Variants in HS6ST3 observed in about 807,000 individuals in gnomAD.
HS6ST3 encodes the protein heparan sulfate 6-O-sulfotransferase 3, also known as heparan-sulfate 6-O-sulfotransferase 3.
HS6ST3 carries 12 observed loss-of-function variants against 36.7 expected under a neutral mutation model. The ratio of observed to expected loss-of-function variants is 0.33; its 90% CI spans 0.21 to 0.53. The LOEUF (loss-of-function observed/expected upper bound fraction) is 0.53, where lower values mean the gene tolerates loss of function less well. Among genes scored for constraint, HS6ST3 ranks in the 20% least tolerant of loss-of-function variants. The pLI is 0.95. For missense variants in HS6ST3, 584 were observed against 640.9 expected, an observed-to-expected ratio of 0.91 and a Z score of 0.96; for synonymous variants, 240 against 257.5, an observed-to-expected ratio of 0.93 and a Z score of 0.65.
intron 1 of HS6ST3, among the ~76,000 whole-genome samples, chr13:96,767,130 A>G (rs938704182): frequency 1.3e-5 from 2 of 152,192 alleles, no homozygotes; most frequent in Non-Finnish European, 1.5e-5. Flanking sequence ...CTCCACATCA[A>G]AATCCTATCC....
chr13:96,307,317 A>G (rs558784267), intron 1 of HS6ST3, among the ~76,000 whole-genome samples: 7 of 152,200 alleles, frequency 4.6e-5, no homozygotes, highest in African/African-American at 1.7e-4. Context: ...ACAGAGAGCA[A>G]TAGCCACGCA....
chr13:96,284,910 G>GCTTTCTTTCTTTCTTTCTTTCTTTCTTT (rs71740033), intron 1 of HS6ST3, among the ~76,000 whole-genome samples: 1 of 134,564 alleles, frequency 7.4e-6, no homozygotes, highest in Non-Finnish European at 1.6e-5. Flanking sequence ...ATGCATATTT[G>GCTTTCTTTCTTTCTTTCTTTCTTTCTTT]CTTTCTTTCT....
At chr13:96,324,119 G>T (rs1206922300) in intron 1 of HS6ST3, among the ~76,000 whole-genome samples, 1 of 152,124 alleles carries the variant, frequency 6.6e-6, no homozygotes, top group Non-Finnish European at 1.5e-5. Flanking sequence ...GTAGTAAGCT[G>T]GACTCAGAGA....
intron 1 of HS6ST3, among the ~76,000 whole-genome samples, chr13:96,350,252 A>C (rs1331939598): frequency 6.6e-6 from 1 of 152,238 alleles, no homozygotes; most frequent in Admixed American, 6.5e-5. Context: ...ACAGATGTTA[A>C]GACTTGAAAG....
intron 1 of HS6ST3, among the ~76,000 whole-genome samples, chr13:96,219,095 A>G (rs1041178666): frequency 6.6e-6 from 1 of 152,050 alleles, no homozygotes; most frequent in African/African-American, 2.4e-5. Context: ...GTCGGCCTAA[A>G]TTAAGACCCT....
intron 1 of HS6ST3, among the ~76,000 whole-genome samples, chr13:96,358,716 A>T (rs898164012): frequency 6.6e-6 from 1 of 152,198 alleles, no homozygotes; most frequent in Non-Finnish European, 1.5e-5. Context: ...TAAATTGTAT[A>T]TCAGTTTATA....
chr13:96,553,837 A>G (rs1442702591), intron 1 of HS6ST3, among the ~76,000 whole-genome samples: 1 of 152,254 alleles, frequency 6.6e-6, no homozygotes, highest in Non-Finnish European at 1.5e-5. Flanking sequence ...GTCAGAACAC[A>G]TGTGCAATTG....
chr13:96,408,507 T>C (rs1364448555), intron 1 of HS6ST3, among the ~76,000 whole-genome samples: 3 of 152,164 alleles, frequency 2.0e-5, no homozygotes, highest in Admixed American at 6.5e-5. Flanking sequence ...TGTTGTCGAA[T>C]AGGCAGTGTG....
chr13:96,417,153 T>C (rs1019209465), intron 1 of HS6ST3, among the ~76,000 whole-genome samples: 2 of 152,194 alleles, frequency 1.3e-5, no homozygotes, highest in African/African-American at 2.4e-5. Flanking sequence ...AGAATTTTAT[T>C]TTGCAGTTTG....
intron 1 of HS6ST3, among the ~76,000 whole-genome samples, chr13:96,155,174 A>G (rs982888898): frequency 5.3e-5 from 8 of 152,222 alleles, no homozygotes; most frequent in Non-Finnish European, 1.0e-4. Context: ...ATAACATTAC[A>G]TGTATACCAT....
At chr13:96,513,266 AT>A (rs943362412) in intron 1 of HS6ST3, among the ~76,000 whole-genome samples, 18 of 146,278 alleles carry the variant, frequency 1.2e-4, no homozygotes, top group Admixed American at 6.8e-4. Context: ...CTTTCTGTGT[AT>A]TTTTTTTTTC....
intron 1 of HS6ST3, among the ~76,000 whole-genome samples, chr13:96,404,299 A>G (rs1044723631): frequency 6.6e-6 from 1 of 152,174 alleles, no homozygotes; most frequent in African/African-American, 2.4e-5. Flanking sequence ...ATATGCCCGT[A>G]GGACACAATT....
intron 1 of HS6ST3, among the ~76,000 whole-genome samples, chr13:96,376,127 G>A (rs1315542565): frequency 6.6e-6 from 1 of 152,198 alleles, no homozygotes; most frequent in African/African-American, 2.4e-5. Context: ...CGTAAGAGCA[G>A]ATGGAGTTAA....
intron 1 of HS6ST3, among the ~76,000 whole-genome samples, chr13:96,402,790 A>G (rs2389670): frequency 0.52 from 78,952 of 152,022 alleles, 20,953 homozygotes; most frequent in Middle Eastern, 0.6. Flanking sequence ...TTATATGACT[A>G]TACAATTTGT....
chr13:96,379,469 C>T (rs934524787), intron 1 of HS6ST3, among the ~76,000 whole-genome samples: 13 of 152,172 alleles, frequency 8.5e-5, no homozygotes, highest in Non-Finnish European at 1.9e-4. Flanking sequence ...GATCTGACAG[C>T]ACCTTATCTT....
At chr13:96,596,481 A>G (rs2056401850) in intron 1 of HS6ST3, among the ~76,000 whole-genome samples, 1 of 152,134 alleles carries the variant, frequency 6.6e-6, no homozygotes, top group Non-Finnish European at 1.5e-5. Flanking sequence ...GATACCCAGT[A>G]GTGGGATTGT....
At chr13:96,751,002 CTT>C (rs1262507200) in intron 1 of HS6ST3, among the ~76,000 whole-genome samples, 1 of 152,150 alleles carries the variant, frequency 6.6e-6, no homozygotes, top group African/African-American at 2.4e-5. Flanking sequence ...GGCTAATACT[CTT>C]TTCAGGCATC....
intron 1 of HS6ST3, among the ~76,000 whole-genome samples, chr13:96,507,021 G>A (rs2056029330): frequency 6.6e-6 from 1 of 152,214 alleles, no homozygotes; most frequent in East Asian, 1.9e-4. Context: ...TCAGTCTGTT[G>A]ACAATGAGAA....
At chr13:96,456,325 A>G (rs1454623605) in intron 1 of HS6ST3, among the ~76,000 whole-genome samples, 5 of 152,290 alleles carry the variant, frequency 3.3e-5, no homozygotes, top group South Asian at 2.1e-4. Context: ...GAAGAAGAGT[A>G]GATTAATCAG....
Sources: allele counts gnomAD v4.1 joint callset (sites outside exome capture counted in the v4.1 genomes callset), GRCh38; gene constraint gnomAD v4.1.1; transcripts MANE v1.5; gene names NCBI Gene and HGNC (gene_info 2026-07-23, HGNC 2026-07-21).